Variants in ZNF777 observed in about 807,000 individuals in gnomAD.
The protein encoded by ZNF777 is zinc finger protein 777.
Under a neutral mutation model 72.1 loss-of-function variants are expected in ZNF777, and 7 were observed. The observed-to-expected ratio is 0.10, with a 90% confidence interval of 0.06 to 0.18. ZNF777 has a LOEUF of 0.18. Ranked by LOEUF, ZNF777 falls within the 10% of genes least tolerant of loss-of-function variation. The probability of loss-of-function intolerance (pLI) is 1.00; values close to 1 mark genes in which losing one functional copy is unlikely to be tolerated. For synonymous variants in ZNF777, 545 were observed against 483.5 expected (o/e 1.13, Z -1.67); for missense variants, 828 against 1,128.6 (o/e 0.73, Z 3.82).
rs368902435 is a variant in ZNF777, at chr7:149,432,818, C to T, written c.1454G>A (p.Ser485Asn). 5.7e-5 allele frequency: 91 copies of T among 1,603,198 alleles called. No individual in the cohort carries two copies. Among genetic ancestry groups the T allele is most frequent in the Non-Finnish European group, 7.5e-5 (88 of 1,172,724 alleles). The change falls in exon 6 of 6, where the codon AGT becomes AAT. Residue 485 changes from serine (S) to asparagine (N), a missense_variant. By Grantham distance (46) the Ser-to-Asn change is conservative. Around this residue, in one of 12 missense-constraint regions of ZNF777, gnomAD observed 219 missense variants for 223.0 expected, o/e 0.98. Coordinates refer to ENST00000247930, the MANE Select transcript of ZNF777 (RefSeq NM_015694.3). ...CCCGGGCAGCGGGGTCTGGTACATA[C>T]TGGCCTCATATCTCCCGGACAGCTG... ...LGQLSGRYEA[S>N]MYQTPLPGEM...
At position 149,455,813 on chromosome 7, in the gene ZNF777, C is replaced by A. The variant is rs1340118212; in HGVS notation, c.210G>T (p.Arg70=). Residue 70 remains arginine (R), a synonymous_variant, in exon 2 of 6, where the codon CGG becomes CGT. Coordinates refer to ENST00000247930, the MANE Select transcript of ZNF777 (RefSeq NM_015694.3). The surrounding 1 kb of genome is among the most constrained non-coding windows in gnomAD (Gnocchi z 4.2). ...SSAPKQETSG[R]MPHVLQKGPS... Reference sequence around the variant, plus strand: ...GTCCCTTCTGGAGCACATGTGGCATCCGGCCAGAAGTCTCTTGCTTGGGAG... The same window carrying A: ...GTCCCTTCTGGAGCACATGTGGCATACGGCCAGAAGTCTCTTGCTTGGGAG... 8.1e-6 allele frequency: 13 copies of A among 1,612,808 alleles called. No individual in the cohort carries two copies. The East Asian group carries it at 2.7e-4, about 33-fold the overall frequency.
In ZNF777 at chr7:149,436,436, G is replaced by A; in HGVS notation, c.1339+139C>T. On this transcript the variant is annotated intron_variant, in intron 5 of 5. Transcript: ENST00000247930. This position sits in a 1 kb window ranked among gnomAD's most constrained non-coding sequence, Gnocchi z 5.0. The stretch of plus-strand genomic sequence containing the variant: ...TCACGGAGCCTATACTCGAGGCCGT[G>A]CTTGGTAATTCTTTCCCACCTGTTG... 1 of 1,034,934 alleles carries A rather than the reference G, an allele frequency of 9.7e-7. No individual in the cohort carries two copies. The highest frequency in any genetic ancestry group is 1.4e-6 in the Non-Finnish European group (1 of 713,980). 64.1% of individuals were successfully genotyped at this position (1,034,934 alleles called of 1,614,324 possible).
At chr7:149,440,639 T>C (rs1799495144) in intron 4 of ZNF777, among the ~76,000 whole-genome samples, 1 of 149,392 alleles carries the variant, frequency 6.7e-6, no homozygotes, top group East Asian at 2.0e-4. Flanking sequence ...ATTACAGGCA[T>C]GAGCCACCAT....
At chr7:149,457,169 T>C (rs1261889063) in intron 1 of ZNF777, among the ~76,000 whole-genome samples, 2 of 152,314 alleles carry the variant, frequency 1.3e-5, no homozygotes, top group Admixed American at 6.5e-5. Flanking sequence ...GCTCTCCTTG[T>C]TCCTCACCCT....
rs199591691 is a variant in ZNF777 at position 149,455,896 on chromosome 7, T to C, written c.127A>G (p.Ile43Val). The C allele has an allele frequency of 9.9e-6, 16 of 1,612,940 alleles. No individual in the cohort carries two copies. The highest frequency in any genetic ancestry group is 1.7e-5 in the Admixed American group (1 of 59,884). The part of the protein sequence containing the change: ...FQSRVLPPKE[I>V]PSLSPTIPRQ... ...GGAATGGTGGGAGACAAAGAAGGAA[T>C]TTCTTTGGGAGGAAGAACGCGGGAT... The change falls in exon 2 of 6, where the codon ATT becomes GTT. Residue 43 changes from isoleucine to valine, a missense_variant. By Grantham distance (29) the Ile-to-Val change is conservative. Coordinates refer to ENST00000247930, the MANE Select transcript of ZNF777 (RefSeq NM_015694.3). This position sits in a 1 kb window ranked among gnomAD's most constrained non-coding sequence, Gnocchi z 4.2.
intron 3 of ZNF777, among the ~76,000 whole-genome samples, chr7:149,452,157 C>T (rs188090721): frequency 8.1e-4 from 123 of 152,058 alleles, no homozygotes; most frequent in African/African-American, 2.7e-3. Flanking sequence ...CCCAGCTACT[C>T]GGGAGGCTGA....
intron 3 of ZNF777, 147 bp downstream of exon 3, chr7:149,453,964 G>A (rs1490763576): frequency 3.5e-5 from 43 of 1,219,676 alleles, no homozygotes; most frequent in Non-Finnish European, 4.6e-5. Context: ...ATATGAGGGC[G>A]TTTGCTTTAA....
Position 149,446,988 on chromosome 7 carries a change from A to T in ZNF777, c.1087+4011T>A, listed in dbSNP as rs1046080743. Among the ~76,000 whole-genome samples, 3 of 152,164 alleles carry T rather than the reference A, an allele frequency of 2.0e-5. No homozygotes were observed. In the East Asian group the frequency reaches 5.8e-4, roughly 29 times the overall value. The stretch of plus-strand genomic sequence containing the variant: ...TCCTTCTGGAAGCATCCTTCTCTAG[A>T]AATACCCAACAAGGCAGTATCCTAA... On this transcript the variant is annotated intron_variant, in intron 4 of 5. Coordinates refer to ENST00000247930, the MANE Select transcript of ZNF777 (RefSeq NM_015694.3).
At chr7:149,435,570 T>C (rs907718257) in intron 5 of ZNF777, among the ~76,000 whole-genome samples, 25 of 152,188 alleles carry the variant, frequency 1.6e-4, no homozygotes, top group African/African-American at 5.8e-4. Flanking sequence ...TATCTACAGA[T>C]AATTTTTAAA....
chr7:149,432,139 G>T lies in ZNF777; in HGVS notation c.2133C>A (p.Arg711=). 3 of 1,604,326 alleles carry T rather than the reference G, an allele frequency of 1.9e-6. No homozygotes were observed. The highest frequency in any genetic ancestry group is 1.7e-6 in the Non-Finnish European group (2 of 1,179,600). Residue 711 remains arginine, a synonymous_variant, in exon 6 of 6, where the codon CGC becomes CGA. Transcript: ENST00000247930. The part of the protein sequence containing the change: ...KSFSRPSHLL[R]HQRTHTGERP... ...GCTCGCCTGTGTGAGTCCGCTGGTGGCGCAGCAGGTGCGAGGGGCGGCTGA... is the reference window on the plus strand; with the variant it reads ...GCTCGCCTGTGTGAGTCCGCTGGTGTCGCAGCAGGTGCGAGGGGCGGCTGA...
At chr7:149,448,610 T>TATATAG (rs1799659574) in intron 4 of ZNF777, among the ~76,000 whole-genome samples, 2 of 126,546 alleles carry the variant, frequency 1.6e-5, no homozygotes, top group South Asian at 2.5e-4. Context: ...TATATATATA[T>TATATAG]AGTAAAGAAT....
At chr7:149,452,782 C>T (rs1351242543) in intron 3 of ZNF777, among the ~76,000 whole-genome samples, 1 of 152,182 alleles carries the variant, frequency 6.6e-6, no homozygotes, top group African/African-American at 2.4e-5. Flanking sequence ...TCAACTGGCT[C>T]AGCCTTCTGG....
chr7:149,445,428 G>A (rs1799585860), intron 4 of ZNF777, among the ~76,000 whole-genome samples: 1 of 152,136 alleles, frequency 6.6e-6, no homozygotes, highest in Non-Finnish European at 1.5e-5. Context: ...AGAGAACAGG[G>A]AGCTCAGTGC....
intron 1 of ZNF777, among the ~76,000 whole-genome samples, chr7:149,458,165 T>C (rs2116611786): frequency 6.6e-6 from 1 of 152,230 alleles, no homozygotes; most frequent in East Asian, 1.9e-4. Context: ...CTAATGAAAG[T>C]TTTGGGTTCT....
At position 149,431,727 on chromosome 7, in the gene ZNF777, G is replaced by C. The variant is rs763227416; in HGVS notation, c.*49C>G. On this transcript the variant is annotated 3_prime_UTR_variant, in exon 6 of 6. Transcript: ENST00000247930. The stretch of plus-strand genomic sequence containing the variant: ...GGCTCGGGCCTGGCGGTGTCCGAGG[G>C]GGGGCACGGCCCGCGCACCTGGCCG... The C allele has an allele frequency of 7.8e-5, 100 of 1,279,506 alleles. No individual in the cohort carries two copies. Among genetic ancestry groups the C allele is most frequent in the East Asian group, 4.6e-4 (11 of 23,906 alleles). The allele number at this position is 1,279,506 out of a possible 1,614,324, so 79.3% of individuals were successfully genotyped here. A position where few individuals can be genotyped will look rare whatever the true frequency, so the allele number is the denominator to read the frequency against.
At chr7:149,441,046 A>G (rs1799505613) in intron 4 of ZNF777, among the ~76,000 whole-genome samples, 1 of 152,080 alleles carries the variant, frequency 6.6e-6, no homozygotes, top group Admixed American at 6.5e-5. Context: ...CTCCCTCAAA[A>G]CAGGCAGTAT....
intron 1 of ZNF777, among the ~76,000 whole-genome samples, chr7:149,459,079 C>G (rs985723174): frequency 3.8e-4 from 58 of 152,276 alleles, no homozygotes; most frequent in African/African-American, 1.4e-3. Context: ...GCCCCGAAGG[C>G]CTGAGCCCAG....
intron 4 of ZNF777, among the ~76,000 whole-genome samples, chr7:149,440,149 G>C (rs949808215): frequency 8.5e-5 from 13 of 152,158 alleles, no homozygotes; most frequent in African/African-American, 3.1e-4. Context: ...TGACCTATTA[G>C]CTCACAACAT....
chr7:149,447,051 C>T (rs1028181521), intron 4 of ZNF777, among the ~76,000 whole-genome samples: 3 of 152,184 alleles, frequency 2.0e-5, no homozygotes, highest in African/African-American at 4.8e-5. Flanking sequence ...TTCTGTTTCC[C>T]GTGATTCCTC....
Sources: allele counts gnomAD v4.1 joint callset (sites outside exome capture counted in the v4.1 genomes callset), GRCh38; gene constraint gnomAD v4.1.1; regional missense constraint gnomAD v4.1.1; non-coding constraint Gnocchi (gnomAD v3.1); transcripts MANE v1.5; gene names NCBI Gene and HGNC (gene_info 2026-07-23, HGNC 2026-07-21).